The following PARD3 variants were observed in gnomAD, a reference collection of about 807,000 sequenced individuals.
The protein encoded by PARD3 is par-3 family cell polarity regulator.
Under a neutral mutation model 155.4 loss-of-function variants are expected in PARD3, and 75 were observed. The ratio of observed to expected loss-of-function variants is 0.48; its 90% CI spans 0.40 to 0.58. The LOEUF is 0.58. Ranked by LOEUF, PARD3 falls within the 20% of genes least tolerant of loss-of-function variation. PARD3 has a pLI of 0.00. For missense variants in PARD3, 1,642 were observed against 1,721.7 expected (o/e 0.95, Z 0.82); for synonymous variants, 576 against 610.5 (o/e 0.94, Z 0.83).
chr10:34,373,473 C>T (rs970763558), intron 11 of PARD3, among the ~76,000 whole-genome samples: 3 of 151,506 alleles, frequency 2.0e-5, no homozygotes, highest in African/African-American at 7.3e-5. Flanking sequence ...CTAGTGCACT[C>T]CGAGACACTG....
intron 22 of PARD3, among the ~76,000 whole-genome samples, chr10:34,258,998 A>C (rs563871699): frequency 4.6e-5 from 7 of 152,086 alleles, no homozygotes; most frequent in African/African-American, 1.7e-4. Flanking sequence ...GGGCCCAGGA[A>C]TTTGAGGTTG....
intron 19 of PARD3, among the ~76,000 whole-genome samples, chr10:34,321,968 C>T (rs529923922): frequency 1.3e-5 from 2 of 152,270 alleles, no homozygotes; most frequent in Admixed American, 6.5e-5. Context: ...ATTTCCCCCC[C>T]CCATTGAGAA....
chr10:34,328,903 A>G (rs1835321303), intron 19 of PARD3, among the ~76,000 whole-genome samples: 2 of 152,230 alleles, frequency 1.3e-5, no homozygotes, highest in Admixed American at 6.5e-5. Flanking sequence ...GCAAAAAATA[A>G]TAAAAACAGG....
At chr10:34,720,798 C>CA (rs377520129) in intron 1 of PARD3, among the ~76,000 whole-genome samples, 41,299 of 144,400 alleles carry the variant, frequency 0.29, 6,854 homozygotes, top group Non-Finnish European at 0.39. Flanking sequence ...ACTCTGTCTC[C>CA]AAAAAAAAAA....
At chr10:34,608,076 C>T (rs949648873) in intron 2 of PARD3, among the ~76,000 whole-genome samples, 7 of 152,170 alleles carry the variant, frequency 4.6e-5, no homozygotes, top group African/African-American at 1.7e-4. Flanking sequence ...GGGGCTCACT[C>T]CTCTTGCTGG....
At chr10:34,588,631 C>G (rs2088332767) in intron 2 of PARD3, among the ~76,000 whole-genome samples, 1 of 152,248 alleles carries the variant, frequency 6.6e-6, no homozygotes, top group East Asian at 1.9e-4. Context: ...TAAACATGGG[C>G]TGCCCGATTC....
chr10:34,503,491 T>C (rs538688631), intron 3 of PARD3, among the ~76,000 whole-genome samples: 2 of 152,238 alleles, frequency 1.3e-5, no homozygotes, highest in Non-Finnish European at 1.5e-5. Flanking sequence ...CTTCCATATA[T>C]AACCTCACTA....
rs1291771045 is a variant in PARD3, at chr10:34,239,896, T to C, written c.3419+29761A>G. 2.0e-5 allele frequency among the ~76,000 whole-genome samples: 3 copies of C among 152,186 alleles called. No individual in the cohort carries two copies. The East Asian group carries it at 5.8e-4, about 29-fold the overall frequency. ...GAAAATGAAAAAATATGAGTATTTT[T>C]AGAGTTTAAAAATATTTTATTGGCA... On this transcript the variant is annotated intron_variant, in intron 22 of 24. Transcript: ENST00000374788.
chr10:34,259,802 G>T (rs1176278172), intron 22 of PARD3, among the ~76,000 whole-genome samples: 3 of 152,166 alleles, frequency 2.0e-5, no homozygotes, highest in Admixed American at 2.0e-4. Context: ...ATGGTAAAAA[G>T]GGAATTTTTC....
intron 2 of PARD3, among the ~76,000 whole-genome samples, chr10:34,590,721 T>C (rs6481905): frequency 0.029 from 4,455 of 152,256 alleles, 220 homozygotes; most frequent in African/African-American, 0.1. Context: ...GAATCCTTCC[T>C]GAAATGGTTC....
At chr10:34,496,219 G>GAA (rs1225519299) in intron 3 of PARD3, among the ~76,000 whole-genome samples, 1 of 119,666 alleles carries the variant, frequency 8.4e-6, no homozygotes. Context: ...GGAAGAAGAA[G>GAA]AAAAAAAAAA....
At chr10:34,595,553 T>C (rs2089173424) in intron 2 of PARD3, among the ~76,000 whole-genome samples, 9 of 152,198 alleles carry the variant, frequency 5.9e-5, no homozygotes, top group Admixed American at 5.9e-4. Context: ...ACACTCTACA[T>C]GCCAATTACA....
chr10:34,716,207 T>C (rs1448113174), intron 1 of PARD3, among the ~76,000 whole-genome samples: 8 of 152,232 alleles, frequency 5.3e-5, no homozygotes, highest in Non-Finnish European at 1.0e-4. Flanking sequence ...GCGTGTGCCT[T>C]CAGTTTATTT....
At chr10:34,684,776 CAT>C (rs1481981732) in intron 2 of PARD3, among the ~76,000 whole-genome samples, 11 of 92,132 alleles carry the variant, frequency 1.2e-4, no homozygotes, top group East Asian at 8.7e-4. Context: ...CTTGATGATA[CAT>C]ACACACACAC....
intron 2 of PARD3, among the ~76,000 whole-genome samples, chr10:34,579,408 C>T (rs1246798958): frequency 1.3e-5 from 2 of 152,128 alleles, no homozygotes; most frequent in East Asian, 3.9e-4. Context: ...TCCGTAACGC[C>T]CCCTGCCCCT....
chr10:34,393,048 A>G (rs1282371160), intron 7 of PARD3, among the ~76,000 whole-genome samples: 1 of 151,680 alleles, frequency 6.6e-6, no homozygotes, highest in Non-Finnish European at 1.5e-5. Context: ...CTGGGCCATG[A>G]TGCCTAAAAT....
intron 2 of PARD3, among the ~76,000 whole-genome samples, chr10:34,646,220 A>C (rs1486976531): frequency 6.6e-6 from 1 of 152,238 alleles, no homozygotes; most frequent in Non-Finnish European, 1.5e-5. Context: ...GACTACAATT[A>C]GCTAAGCATT....
At chr10:34,469,434 C>T (rs1376830280) in intron 4 of PARD3, among the ~76,000 whole-genome samples, 2 of 152,114 alleles carry the variant, frequency 1.3e-5, no homozygotes, top group Non-Finnish European at 2.9e-5. Flanking sequence ...ACAGACAAAA[C>T]AAGCTAAAAT....
intron 1 of PARD3, among the ~76,000 whole-genome samples, chr10:34,729,748 C>G (rs1043676611): frequency 6.6e-6 from 1 of 152,142 alleles, no homozygotes; most frequent in African/African-American, 2.4e-5. Flanking sequence ...CACAAATTAA[C>G]TTCATTATGC....
Sources: gnomAD v4.1 joint callset for allele counts (sites outside exome capture counted in the v4.1 genomes callset) on GRCh38, gnomAD v4.1.1 for gene constraint, MANE v1.5 for transcripts, NCBI Gene and HGNC (gene_info 2026-07-23, HGNC 2026-07-21) for gene names.